ASPM: variants seen among roughly 807,000 people sequenced by gnomAD.
The protein encoded by ASPM is abnormal spindle-like microcephaly-associated protein.
ASPM carries 256 observed loss-of-function variants against 366.4 expected under a neutral mutation model. The ratio of observed to expected loss-of-function variants is 0.70; its 90% confidence interval spans 0.63 to 0.77. ASPM has a LOEUF of 0.77. Ranked by LOEUF, ASPM falls within the 30% of genes least tolerant of loss-of-function variation. The pLI is 0.00. For synonymous variants in ASPM, 1,414 were observed against 1,342.9 expected (o/e 1.05, Z -1.16); for missense variants, 4,146 against 4,090.4 (o/e 1.01, Z -0.37).
Position 197,103,674 on chromosome 1 carries a change from C to T in ASPM, c.5577G>A (p.Arg1859=), listed in dbSNP as rs1460468102. Residue 1859 remains arginine (R), a synonymous_variant, in exon 18 of 28, where the codon AGG becomes AGA. Coordinates refer to ENST00000367409, the MANE Select transcript of ASPM (RefSeq NM_018136.5). ...TTGTATCATGAAGAGTCTTGTACGCCCTGTACCATCTCTGAATCTTTATTA... is the reference window on the plus strand; with the variant it reads ...TTGTATCATGAAGAGTCTTGTACGCTCTGTACCATCTCTGAATCTTTATTA... ...QSIIKIQRWY[R]AYKTLHDTRT... is the part of the protein sequence containing the mutation. 3 of 1,612,750 alleles carry T rather than the reference C, an allele frequency of 1.9e-6. No individual in the cohort carries two copies. The highest frequency in any genetic ancestry group is 2.2e-5 in the East Asian group (1 of 44,826).
chr1:197,131,858 AG>A (rs1658265327), intron 7 of ASPM, among the ~76,000 whole-genome samples: 1 of 152,154 alleles, frequency 6.6e-6, no homozygotes, highest in Non-Finnish European at 1.5e-5. Flanking sequence ...ACACCTGGCC[AG>A]GGCAAGTCAC....
chr1:197,126,949 A>T (rs1373379651), intron 10 of ASPM, among the ~76,000 whole-genome samples: 1 of 152,154 alleles, frequency 6.6e-6, no homozygotes, highest in Non-Finnish European at 1.5e-5. Context: ...AAGTTTTTAA[A>T]CCAAACCCAC....
At chr1:197,087,706 T>C (rs1656641567) in intron 26 of ASPM, among the ~76,000 whole-genome samples, 1 of 152,162 alleles carries the variant, frequency 6.6e-6, no homozygotes, top group Non-Finnish European at 1.5e-5. Flanking sequence ...CCACCTTCTT[T>C]GATGGTCTCA....
Position 197,090,386 on chromosome 1 carries a change from T to C in ASPM, c.9639A>G (p.Ala3213=). 5.6e-6 allele frequency: 9 copies of C among 1,603,068 alleles called. No homozygotes were observed. Among genetic ancestry groups the C allele is most frequent in the Non-Finnish European group, 7.7e-6 (9 of 1,172,258 alleles). ...KFTSGIIKIQ[A]LWRGYSWRKK... is the part of the protein sequence containing the mutation. Reference sequence around the variant, plus strand: ...TCCTCCAAGAATAGCCTCTCCATAATGCCTTAAAGAGATAAAACAGAGTAA... The same window carrying C: ...TCCTCCAAGAATAGCCTCTCCATAACGCCTTAAAGAGATAAAACAGAGTAA... The change falls in exon 24 of 28, where the codon GCA becomes GCG. Residue 3213 remains alanine, a splice_region_variant and synonymous_variant. Transcript: ENST00000367409.
chr1:197,101,905 T>C lies in ASPM; in HGVS notation c.7346A>G (p.His2449Arg), dbSNP rs373426629. ...RKYRATICAK[H>R]KLYQFLHLRK... ...TAAGTGCAAGAATTGGTACAATTTA[T>C]GTTTGGCACAAATGGTGGCTCGATA... The change falls in exon 18 of 28, where the codon CAT becomes CGT. Residue 2449 changes from histidine to arginine, a missense_variant. Transcript: ENST00000367409. The C allele has an allele frequency of 1.2e-6, 2 of 1,612,906 alleles. No homozygotes were observed. The highest frequency in any genetic ancestry group is 1.7e-6 in the Non-Finnish European group (2 of 1,179,314).
intron 17 of ASPM, among the ~76,000 whole-genome samples, chr1:197,107,751 G>A (rs1041461433): frequency 2.6e-5 from 4 of 152,062 alleles, no homozygotes; most frequent in Non-Finnish European, 4.4e-5. Flanking sequence ...TAGTAGAACC[G>A]AAAAACACAC....
rs772753805 is a variant in ASPM, at chr1:197,133,539, T to C, written c.2230A>G (p.Arg744Gly). Residue 744 changes from arginine (R) to glycine (G), a missense_variant, in exon 6 of 28, where the codon AGA becomes GGA. This residue lies in a region of ASPM where 3,624 missense variants were observed against 3,591.7 expected (regional missense o/e 1.01). Coordinates refer to ENST00000367409, the MANE Select transcript of ASPM (RefSeq NM_018136.5). ...GACATTTCCTCTTTTGTAGGTGCTC[T>C]AGGAACACTTATTTTATGTTGATTC... ...IENQHKISVPRAPTKEEMSLR... is the reference protein window; with the variant it reads ...IENQHKISVPGAPTKEEMSLR... The C allele has an allele frequency of 3.1e-6, 5 of 1,613,744 alleles. No homozygotes were observed. The Admixed American group carries it at 8.3e-5, about 27-fold the overall frequency.
rs1657795979 is a variant in ASPM at position 197,118,062 on chromosome 1, T to G, written c.3871-79A>C. 10 of 1,312,648 alleles carry G rather than the reference T, an allele frequency of 7.6e-6. No homozygotes were observed. The South Asian group carries it at 1.2e-4, about 16-fold the overall frequency. The allele number at this position is 1,312,648 out of a possible 1,614,324, so 81.3% of individuals were successfully genotyped here. ...TTATTCTTTGTAAGATAACCATATGTTAAACACCAATCAAATTGATACTGG... is the reference window on the plus strand; with the variant it reads ...TTATTCTTTGTAAGATAACCATATGGTAAACACCAATCAAATTGATACTGG... On this transcript the variant is annotated intron_variant, in intron 16 of 27. Coordinates refer to ENST00000367409, the MANE Select transcript of ASPM (RefSeq NM_018136.5).
intron 17 of ASPM, among the ~76,000 whole-genome samples, chr1:197,108,730 G>A (rs1657487817): frequency 1.3e-5 from 2 of 151,954 alleles, no homozygotes; most frequent in African/African-American, 4.8e-5. Context: ...TAGCACTTTA[G>A]GAGGCCAAGG....
Position 197,122,555 on chromosome 1 carries a change from A to G in ASPM, c.3431T>C (p.Leu1144Ser). The G allele has an allele frequency of 6.2e-7, 1 of 1,612,642 alleles. No homozygotes were observed. The highest frequency in any genetic ancestry group is 8.5e-7 in the Non-Finnish European group (1 of 1,179,310). ...ATGGTAATGGTGGATCAGGTAACAT[A>G]ACACACGGCCGTCTGAGAAAGACAC... ...FTVSFSDGRVLCYLIHHYHPC... is the reference protein window; with the variant it reads ...FTVSFSDGRVSCYLIHHYHPC... Residue 1144 changes from leucine to serine, a missense_variant, in exon 14 of 28, where the codon TTA becomes TCA. Leu to Ser is a moderately radical substitution (Grantham distance 145, BLOSUM62 -2). This residue lies in a region of ASPM where 3,624 missense variants were observed against 3,591.7 expected (regional missense o/e 1.01). Coordinates refer to ENST00000367409, the MANE Select transcript of ASPM (RefSeq NM_018136.5).
chr1:197,117,302 AAGTC>A (rs1206276736), intron 17 of ASPM, among the ~76,000 whole-genome samples: 41 of 152,002 alleles, frequency 2.7e-4, no homozygotes, highest in African/African-American at 9.2e-4. Flanking sequence ...AGACTATATT[AAGTC>A]AGTATTATAT....
At chr1:197,107,789 G>A (rs2125098059) in intron 17 of ASPM, among the ~76,000 whole-genome samples, 1 of 152,252 alleles carries the variant, frequency 6.6e-6, no homozygotes, top group South Asian at 2.1e-4. Flanking sequence ...CACTGGTATG[G>A]CACAATAGCA....
At chr1:197,144,593 T>A (rs560771377) in intron 1 of ASPM, among the ~76,000 whole-genome samples, 1 of 152,166 alleles carries the variant, frequency 6.6e-6, no homozygotes, top group Non-Finnish European at 1.5e-5. Context: ...AGTGCAGGTA[T>A]CCTGTAAAAC....
chr1:197,109,740 G>A (rs992848895), intron 17 of ASPM, among the ~76,000 whole-genome samples: 3 of 151,890 alleles, frequency 2.0e-5, no homozygotes, highest in African/African-American at 7.3e-5. Context: ...ATAGAAATAA[G>A]TGAGTTTTTT....
At chr1:197,097,851 A>T (rs1657027080) in intron 18 of ASPM, among the ~76,000 whole-genome samples, 1 of 151,610 alleles carries the variant, frequency 6.6e-6, no homozygotes, top group Non-Finnish European at 1.5e-5. Flanking sequence ...TGTGGCAGTT[A>T]TAAGTTACTA....
intron 17 of ASPM, among the ~76,000 whole-genome samples, chr1:197,108,227 T>A (rs1657470464): frequency 6.9e-6 from 1 of 145,924 alleles, no homozygotes; most frequent in Admixed American, 6.9e-5. Context: ...GAAAAAAAAA[T>A]ACCATATCAA....
At chr1:197,118,317 C>T (rs932682174) in intron 16 of ASPM, among the ~76,000 whole-genome samples, 3 of 151,876 alleles carry the variant, frequency 2.0e-5, no homozygotes, top group African/African-American at 7.3e-5. Flanking sequence ...TTCAGGTCCA[C>T]TGAATTCATG....
intron 22 of ASPM, 45 bp from the exon 23 acceptor site, chr1:197,091,086 T>C: frequency 6.9e-7 from 1 of 1,454,276 alleles, no homozygotes; most frequent in Non-Finnish European, 9.6e-7. Context: ...ACTTCAGGTT[T>C]TTTTAAAAAA....
intron 17 of ASPM, among the ~76,000 whole-genome samples, chr1:197,111,702 T>C (rs917643444): frequency 1.3e-5 from 2 of 151,862 alleles, no homozygotes; most frequent in African/African-American, 2.4e-5. Context: ...GTGGACTGGA[T>C]AAAGAAAATG....
Sources: gnomAD v4.1 joint callset for allele counts (sites outside exome capture counted in the v4.1 genomes callset) on GRCh38, gnomAD v4.1.1 for gene constraint, gnomAD v4.1.1 regional missense constraint, MANE v1.5 for transcripts, NCBI Gene and HGNC (gene_info 2026-07-23, HGNC 2026-07-21) for gene names.